Variants in VSTM5 observed in about 807,000 individuals in gnomAD.
The protein encoded by VSTM5 is V-set and transmembrane domain containing 5, also known as V-set and transmembrane domain-containing protein 5.
A neutral mutation model predicts 20.3 loss-of-function variants in VSTM5; 21 were observed. The observed-to-expected ratio is 1.03, with a 90% CI of 0.73 to 1.49. The LOEUF is 1.49. Ranked by LOEUF, VSTM5 falls within the 40% of genes most tolerant of loss-of-function variation. The pLI, the probability that VSTM5 is intolerant of heterozygous loss-of-function variation, is 0.00. For synonymous variants in VSTM5, 100 were observed against 102.5 expected, an observed-to-expected ratio of 0.98 and a Z score of 0.14; for missense variants, 219 against 250.0, an observed-to-expected ratio of 0.88 and a Z score of 0.84.
At chr11:93,837,382 G>A (rs1006518340) in intron 1 of VSTM5, among the ~76,000 whole-genome samples, 2 of 152,004 alleles carry the variant, frequency 1.3e-5, no homozygotes, top group East Asian at 3.9e-4. Context: ...TCACACACAT[G>A]CATGTGCATG....
At chr11:93,828,860 G>A (rs931204249) in intron 1 of VSTM5, among the ~76,000 whole-genome samples, 2 of 152,142 alleles carry the variant, frequency 1.3e-5, no homozygotes, top group African/African-American at 2.4e-5. Context: ...GGTGAGTGAC[G>A]AGTGATATTA....
chr11:93,826,544 C>A (rs1210073590), intron 1 of VSTM5, among the ~76,000 whole-genome samples: 5 of 151,760 alleles, frequency 3.3e-5, no homozygotes, highest in Admixed American at 3.3e-4. Flanking sequence ...ACTACAGGCG[C>A]CCACCATAAC....
chr11:93,848,679 T>C (rs1176214052), intron 1 of VSTM5, among the ~76,000 whole-genome samples: 1 of 152,180 alleles, frequency 6.6e-6, no homozygotes, highest in African/African-American at 2.4e-5. Flanking sequence ...CCCCTCTTGT[T>C]TGCATGTCTG....
At chr11:93,836,077 C>G (rs1944320429) in intron 1 of VSTM5, among the ~76,000 whole-genome samples, 1 of 152,208 alleles carries the variant, frequency 6.6e-6, no homozygotes, top group Admixed American at 6.5e-5. Context: ...ACCATCCTGA[C>G]ACCTTCTCCT....
Position 93,820,797 on chromosome 11 carries a change from C to T in VSTM5, c.505G>A (p.Val169Ile). 1.3e-6 allele frequency: 2 copies of T among 1,551,436 alleles called. No individual in the cohort carries two copies. The highest frequency in any genetic ancestry group is 1.7e-6 in the Non-Finnish European group (2 of 1,147,000). ...AATTTATATGCACACTTATTACAAACCCACATGAGGCTGATTAATACTGCG... is the reference window on the plus strand; with the variant it reads ...AATTTATATGCACACTTATTACAAATCCACATGAGGCTGATTAATACTGCG... ...VAAVLISLMW[V>I]CNKCAYKFQR... Residue 169 changes from valine to isoleucine, a missense_variant, in exon 3 of 4, where the codon GTT becomes ATT. By Grantham distance (29) the Val-to-Ile change is conservative. Transcript: ENST00000409977.
chr11:93,850,527 C>T lies in VSTM5; in HGVS notation c.-25G>A, dbSNP rs1354661423. 3.3e-6 allele frequency: 5 copies of T among 1,537,206 alleles called. No individual in the cohort carries two copies. The highest frequency in any genetic ancestry group is 2.5e-5 in the East Asian group (1 of 40,618). ...TGGGCGAGCCCGGGGCCTCGCGGGC[C>T]GGGGTGTGTGCTGGCCGCACCGCGC... On this transcript the variant is annotated 5_prime_UTR_variant, in exon 1 of 4. Coordinates refer to ENST00000409977, the MANE Select transcript of VSTM5 (RefSeq NM_001144871.2).
At chr11:93,841,606 G>A (rs1399779720) in intron 1 of VSTM5, among the ~76,000 whole-genome samples, 1 of 152,178 alleles carries the variant, frequency 6.6e-6, no homozygotes, top group East Asian at 1.9e-4. Flanking sequence ...GACACTGCTG[G>A]TGGTCCCAAA....
At chr11:93,831,203 G>T (rs919960643) in intron 1 of VSTM5, among the ~76,000 whole-genome samples, 9 of 152,054 alleles carry the variant, frequency 5.9e-5, no homozygotes, top group African/African-American at 2.2e-4. Context: ...GGGACAAAAG[G>T]TGTGCACTAG....
chr11:93,844,065 T>C (rs898747879), intron 1 of VSTM5, among the ~76,000 whole-genome samples: 1 of 152,192 alleles, frequency 6.6e-6, no homozygotes, highest in African/African-American at 2.4e-5. Context: ...TTAGAAAGTG[T>C]GGCAGGTATC....
chr11:93,824,489 C>T (rs1368111205), intron 1 of VSTM5, among the ~76,000 whole-genome samples: 1 of 152,006 alleles, frequency 6.6e-6, no homozygotes, highest in African/African-American at 2.4e-5. Context: ...GTCCTTGTGC[C>T]CATCTTTAAA....
At position 93,818,683 on chromosome 11, in the gene VSTM5, T is replaced by C. The variant is rs904746466; in HGVS notation, c.*1886A>G. On this transcript the variant is annotated 3_prime_UTR_variant, in exon 4 of 4. Transcript: ENST00000409977. ...AAGGCAGGTAGTGTGGAAGAGGACA[T>C]GCTGGCCCCAGCAGCTACCCAACTC... 10 of 152,134 alleles carry C rather than the reference T, an allele frequency of 6.6e-5. No individual in the cohort carries two copies. The highest frequency in any genetic ancestry group is 2.4e-4 in the African/African-American group (10 of 41,440). The allele number at this position is 152,134 out of a possible 1,614,324, so 9.4% of individuals were successfully genotyped here. A position where few individuals can be genotyped will look rare whatever the true frequency, so the allele number is the denominator to read the frequency against.
At chr11:93,850,122 C>A (rs988021831) in intron 1 of VSTM5, among the ~76,000 whole-genome samples, 1 of 152,088 alleles carries the variant, frequency 6.6e-6, no homozygotes, top group Non-Finnish European at 1.5e-5. Flanking sequence ...CTCTGATAAC[C>A]GTAGGCCGGG....
At chr11:93,832,402 A>G (rs1944290074) in intron 1 of VSTM5, among the ~76,000 whole-genome samples, 1 of 152,262 alleles carries the variant, frequency 6.6e-6, no homozygotes, top group Non-Finnish European at 1.5e-5. Flanking sequence ...ATATAAATGC[A>G]TAGAACATCT....
At chr11:93,841,987 G>T (rs1358618642) in intron 1 of VSTM5, among the ~76,000 whole-genome samples, 2 of 152,206 alleles carry the variant, frequency 1.3e-5, no homozygotes, top group Non-Finnish European at 2.9e-5. Flanking sequence ...GGGTAAGTGA[G>T]TTACCTTCTT....
intron 1 of VSTM5, among the ~76,000 whole-genome samples, chr11:93,826,451 G>T (rs1254126185): frequency 6.6e-6 from 1 of 151,546 alleles, no homozygotes; most frequent in Non-Finnish European, 1.5e-5. Flanking sequence ...AGGCTGGAGT[G>T]CAGTGGCACG....
chr11:93,820,334 C>T lies in VSTM5; in HGVS notation c.*235G>A, dbSNP rs1944169460. On this transcript the variant is annotated 3_prime_UTR_variant, in exon 4 of 4. Transcript: ENST00000409977. ...GCCCTGATGCTGCAGCCAAGCGAAG[C>T]TCCTGGTTCAAAGCCTCAATCACTC... 1.8e-6 allele frequency: 1 copy of T among 542,094 alleles called. No homozygotes were observed. Among genetic ancestry groups the T allele is most frequent in the Non-Finnish European group, 3.3e-6 (1 of 302,342 alleles). The allele number at this position is 542,094 out of a possible 1,614,324, so 33.6% of individuals were successfully genotyped here.
At chr11:93,844,148 A>G (rs1181328071) in intron 1 of VSTM5, among the ~76,000 whole-genome samples, 2 of 152,236 alleles carry the variant, frequency 1.3e-5, no homozygotes, top group Non-Finnish European at 2.9e-5. Flanking sequence ...GGGCTGTGGA[A>G]TTGAATTGAC....
chr11:93,841,500 C>G (rs1179067373), intron 1 of VSTM5, among the ~76,000 whole-genome samples: 1 of 152,224 alleles, frequency 6.6e-6, no homozygotes, highest in Non-Finnish European at 1.5e-5. Flanking sequence ...AACTCTAACA[C>G]AGTGGTTCTC....
At chr11:93,833,451 C>T (rs1420973635) in intron 1 of VSTM5, among the ~76,000 whole-genome samples, 1 of 152,168 alleles carries the variant, frequency 6.6e-6, no homozygotes, top group African/African-American at 2.4e-5. Flanking sequence ...TGGTGGCATG[C>T]ACCTGTGGTC....
Sources: gnomAD v4.1 joint callset for allele counts (sites outside exome capture counted in the v4.1 genomes callset) on GRCh38, gnomAD v4.1.1 for gene constraint, MANE v1.5 for transcripts, NCBI Gene and HGNC (gene_info 2026-07-23, HGNC 2026-07-21) for gene names.